The following ANXA8 variants were observed in gnomAD, a reference collection of about 807,000 sequenced individuals.
The protein encoded by ANXA8 is annexin A8, also known as VAC-beta.
Under a neutral mutation model 26.8 loss-of-function variants are expected in ANXA8, and 9 were observed. The observed-to-expected ratio is 0.34, with a 90% CI of 0.20 to 0.59. ANXA8 has a LOEUF of 0.59. Ranked by LOEUF, ANXA8 falls within the 20% of genes least tolerant of loss-of-function variation. ANXA8 has a pLI of 0.84. For missense variants in ANXA8, 83 were observed against 238.5 expected, an observed-to-expected ratio of 0.35 and a Z score of 4.29; for synonymous variants, 39 against 94.8, an observed-to-expected ratio of 0.41 and a Z score of 3.42.
chr10:47,744,746 G>T, the ANXA8 span, among the ~76,000 whole-genome samples: 2 of 151,680 alleles, frequency 1.3e-5, no homozygotes, highest in Non-Finnish European at 2.9e-5. Flanking sequence ...TTTTATTCTT[G>T]TTTTCTATTT....
chr10:47,664,012 GT>G, the ANXA8 span, among the ~76,000 whole-genome samples: 1 of 150,264 alleles, frequency 6.7e-6, no homozygotes, highest in Non-Finnish European at 1.5e-5. Context: ...AATTTCTCAG[GT>G]TTTAAGATAT....
chr10:47,735,776 G>A, the ANXA8 span, among the ~76,000 whole-genome samples: 1 of 151,320 alleles, frequency 6.6e-6, no homozygotes, highest in African/African-American at 2.4e-5. Context: ...TGAGTAGCTG[G>A]GACTACAGGC....
the ANXA8 span, among the ~76,000 whole-genome samples, chr10:47,733,295 C>CTTTCTTTCTTTCTTTCTT: frequency 3.6e-5 from 2 of 56,252 alleles, 1 homozygote; most frequent in Non-Finnish European, 6.8e-5. Flanking sequence ...TTCTTTCTTT[C>CTTTCTTTCTTTCTTTCTT]TTTTTTTTCT....
At chr10:47,680,728 C>T in the ANXA8 span, among the ~76,000 whole-genome samples, 5 of 151,744 alleles carry the variant, frequency 3.3e-5, no homozygotes, top group African/African-American at 4.8e-5. Context: ...CTTGTACTTA[C>T]CAGCTGAATA....
At chr10:47,492,344 AG>A in the ANXA8 span, among the ~76,000 whole-genome samples, 1 of 147,484 alleles carries the variant, frequency 6.8e-6, no homozygotes, top group African/African-American at 2.4e-5. Context: ...CTCACCCAAG[AG>A]GCTCTGTGAG....
chr10:47,593,378 C>A, the ANXA8 span, among the ~76,000 whole-genome samples: 1 of 149,736 alleles, frequency 6.7e-6, no homozygotes. Flanking sequence ...GGAATTATGT[C>A]TCGCCTCCAT....
the ANXA8 span, among the ~76,000 whole-genome samples, chr10:47,658,434 C>T: frequency 6.7e-6 from 1 of 149,800 alleles, no homozygotes; most frequent in Non-Finnish European, 1.5e-5. Context: ...TATATTTTCA[C>T]ATTTACTACT....
At chr10:47,911,404 TCTC>T in the ANXA8 span, among the ~76,000 whole-genome samples, 1 of 140,234 alleles carries the variant, frequency 7.1e-6, no homozygotes, top group Non-Finnish European at 1.6e-5. Flanking sequence ...CAGGTTTCAT[TCTC>T]CTGTCTCTGG....
At chr10:47,510,164 T>C in the ANXA8 span, 2 of 1,250,002 alleles carry the variant, frequency 1.6e-6, no homozygotes, top group Non-Finnish European at 2.2e-6. Context: ...AGCATAGTTG[T>C]ACTCACGATA....
At chr10:47,901,685 C>T in the ANXA8 span, among the ~76,000 whole-genome samples, 1 of 121,672 alleles carries the variant, frequency 8.2e-6, no homozygotes, top group African/African-American at 3.2e-5. Context: ...TTTTTCTATA[C>T]GTCCTGTTTC....
chr10:47,505,488 G>A, the ANXA8 span, among the ~76,000 whole-genome samples: 1 of 139,570 alleles, frequency 7.2e-6, no homozygotes, highest in South Asian at 2.4e-4. Context: ...TTAATGAGAA[G>A]TGCTTTTTTT....
chr10:47,518,578 A>AT, the ANXA8 span, among the ~76,000 whole-genome samples: 34 of 116,520 alleles, frequency 2.9e-4, 3 homozygotes, highest in Non-Finnish European at 1.6e-4. Flanking sequence ...TGCCTAGCTA[A>AT]TTTTTTTTTG....
the ANXA8 span, among the ~76,000 whole-genome samples, chr10:47,535,339 T>A: frequency 7.7e-6 from 1 of 130,566 alleles, no homozygotes; most frequent in African/African-American, 3.5e-5. Flanking sequence ...TGGCGGTACC[T>A]TAGAACAAAG....
chr10:47,585,604 G>A, the ANXA8 span, among the ~76,000 whole-genome samples: 9 of 146,690 alleles, frequency 6.1e-5, no homozygotes, highest in African/African-American at 2.4e-4. Flanking sequence ...GGAGAAGGGA[G>A]GAAACGGGAC....
the ANXA8 span, among the ~76,000 whole-genome samples, chr10:47,606,028 A>T: frequency 2.7e-5 from 4 of 150,062 alleles, no homozygotes; most frequent in Non-Finnish European, 4.4e-5. Flanking sequence ...TTAAGCAAGA[A>T]CTCTCAGTTA....
chr10:47,697,151 T>C, the ANXA8 span, among the ~76,000 whole-genome samples: 1 of 152,040 alleles, frequency 6.6e-6, no homozygotes, highest in Non-Finnish European at 1.5e-5. Flanking sequence ...TATAAACTTG[T>C]GGTTTTGGTC....
At chr10:47,552,429 C>T in the ANXA8 span, among the ~76,000 whole-genome samples, 28,441 of 132,514 alleles carry the variant, frequency 0.21, 1,473 homozygotes, top group East Asian at 0.42. Context: ...TAACTTAAAC[C>T]AGAACTTAAA....
the ANXA8 span, among the ~76,000 whole-genome samples, chr10:47,674,479 C>T: frequency 4.6e-5 from 7 of 151,662 alleles, 1 homozygote; most frequent in Non-Finnish European, 7.4e-5. Flanking sequence ...GTCAATATGA[C>T]TAATCAGTGT....
chr10:47,688,095 CT>C, the ANXA8 span, among the ~76,000 whole-genome samples: 1 of 150,102 alleles, frequency 6.7e-6, no homozygotes, highest in Admixed American at 6.6e-5. Flanking sequence ...GAGCAAAACT[CT>C]GTCTCAAAAT....
Sources: allele counts gnomAD v4.1 joint callset (sites outside exome capture counted in the v4.1 genomes callset), GRCh38; gene constraint gnomAD v4.1.1; transcripts MANE v1.5; gene names NCBI Gene and HGNC (gene_info 2026-07-23, HGNC 2026-07-21).